Variants in PPP2R2B observed in about 807,000 individuals in gnomAD.
PPP2R2B encodes serine/threonine-protein phosphatase 2A 55 kDa regulatory subunit B beta isoform.
PPP2R2B carries 5 observed loss-of-function variants against 46.0 expected under a neutral mutation model. That is an observed-to-expected ratio of 0.11 (90% confidence interval 0.06 to 0.23). The LOEUF is 0.23. Among genes scored for constraint, PPP2R2B ranks in the 10% least tolerant of loss-of-function variants. The pLI is 1.00. For synonymous variants in PPP2R2B, 215 were observed against 206.7 expected (o/e 1.04, Z -0.34); for missense variants, 367 against 575.0 (o/e 0.64, Z 3.70).
chr5:146,988,185 C>T (rs968310422), intron 1 of PPP2R2B, among the ~76,000 whole-genome samples: 1 of 150,984 alleles, frequency 6.6e-6, no homozygotes, highest in Non-Finnish European at 1.5e-5. Context: ...GAGTTCAACA[C>T]CCAACTTCAG....
intron 2 of PPP2R2B, among the ~76,000 whole-genome samples, chr5:147,065,880 T>C (rs1438383235): frequency 2.0e-5 from 3 of 152,070 alleles, no homozygotes; most frequent in Non-Finnish European, 4.4e-5. Context: ...TGCGGGTCCG[T>C]GAGCTAAATG....
chr5:147,005,737 G>A (rs539079791), intron 1 of PPP2R2B, among the ~76,000 whole-genome samples: 113 of 152,080 alleles, frequency 7.4e-4, no homozygotes, highest in Middle Eastern at 3.4e-3. Flanking sequence ...CAGAGAAACA[G>A]AAAGTCAAAG....
intron 1 of PPP2R2B, among the ~76,000 whole-genome samples, chr5:147,050,687 C>CAT (rs1420554990): frequency 4.6e-5 from 7 of 151,574 alleles, no homozygotes; most frequent in Non-Finnish European, 8.8e-5. Context: ...CACACACACA[C>CAT]ACGCATCCAT....
chr5:146,718,709 C>T (rs1780630207), intron 2 of PPP2R2B, among the ~76,000 whole-genome samples: 1 of 152,192 alleles, frequency 6.6e-6, no homozygotes. Flanking sequence ...GGAAGAAAGG[C>T]AATCGAACAC....
intron 2 of PPP2R2B, among the ~76,000 whole-genome samples, chr5:146,748,315 A>G (rs1393852592): frequency 6.6e-6 from 1 of 152,190 alleles, no homozygotes; most frequent in Non-Finnish European, 1.5e-5. Flanking sequence ...GTAAGAAATA[A>G]TAGAGAGTTA....
intron 1 of PPP2R2B, among the ~76,000 whole-genome samples, chr5:146,910,861 C>T (rs1763152670): frequency 1.3e-5 from 2 of 152,084 alleles, no homozygotes; most frequent in African/African-American, 4.8e-5. Context: ...ACTTTTCTGT[C>T]AATATCTTCT....
intron 2 of PPP2R2B, among the ~76,000 whole-genome samples, chr5:146,730,109 C>T (rs1752137716): frequency 6.6e-6 from 1 of 152,198 alleles, no homozygotes; most frequent in South Asian, 2.1e-4. Flanking sequence ...CTGCCTAAGA[C>T]TCTTACATCA....
At chr5:146,868,375 G>T (rs904924545) in intron 2 of PPP2R2B, among the ~76,000 whole-genome samples, 7 of 152,126 alleles carry the variant, frequency 4.6e-5, no homozygotes, top group Admixed American at 1.3e-4. Flanking sequence ...GGAATTTCTG[G>T]GGTCATTTAA....
intron 2 of PPP2R2B, among the ~76,000 whole-genome samples, chr5:146,855,964 G>A (rs1760634949): frequency 6.6e-6 from 1 of 152,126 alleles, no homozygotes; most frequent in Non-Finnish European, 1.5e-5. Flanking sequence ...CCTACACAGT[G>A]ATTTCTAGAT....
intron 1 of PPP2R2B, among the ~76,000 whole-genome samples, chr5:147,013,977 A>G (rs1403303895): frequency 7.0e-6 from 1 of 143,502 alleles, no homozygotes; most frequent in Non-Finnish European, 1.5e-5. Context: ...AATTTTCGCA[A>G]CCTACTCATC....
At chr5:146,943,508 T>C (rs761194805) in intron 1 of PPP2R2B, among the ~76,000 whole-genome samples, 8 of 152,176 alleles carry the variant, frequency 5.3e-5, no homozygotes, top group Non-Finnish European at 8.8e-5. Flanking sequence ...AGAAAGTAAA[T>C]GACATTACAG....
intron 2 of PPP2R2B, among the ~76,000 whole-genome samples, chr5:146,725,534 G>C (rs1751812916): frequency 6.6e-6 from 1 of 152,116 alleles, no homozygotes; most frequent in Admixed American, 6.5e-5. Flanking sequence ...TAAGTTGAAG[G>C]TGTTATAAGT....
intron 2 of PPP2R2B, among the ~76,000 whole-genome samples, chr5:146,796,877 C>A (rs1389453188): frequency 6.6e-6 from 1 of 152,174 alleles, no homozygotes; most frequent in Non-Finnish European, 1.5e-5. Context: ...AAGGTCCACT[C>A]TGAACTTTTA....
At chr5:146,955,914 G>C (rs1247303145) in intron 1 of PPP2R2B, among the ~76,000 whole-genome samples, 1 of 151,452 alleles carries the variant, frequency 6.6e-6, no homozygotes, top group Non-Finnish European at 1.5e-5. Context: ...GAGTAGCTGG[G>C]ATTACAGATG....
chr5:146,826,150 A>T (rs1758567136), intron 2 of PPP2R2B, among the ~76,000 whole-genome samples: 1 of 152,152 alleles, frequency 6.6e-6, no homozygotes, highest in South Asian at 2.1e-4. Flanking sequence ...TTCTTTTTTA[A>T]AAATGCCCCA....
At chr5:146,697,434 G>A (rs1175115026) in intron 4 of PPP2R2B, among the ~76,000 whole-genome samples, 1 of 152,106 alleles carries the variant, frequency 6.6e-6, no homozygotes. Flanking sequence ...TCCAACAAAT[G>A]GTGTTAAGTA....
intron 1 of PPP2R2B, among the ~76,000 whole-genome samples, chr5:147,030,334 A>G: frequency 6.6e-6 from 1 of 152,188 alleles, no homozygotes; most frequent in East Asian, 1.9e-4. Flanking sequence ...TTAATTAGGT[A>G]TCTAAACACC....
At chr5:146,698,248 G>T in intron 3 of PPP2R2B, 104 bp from the exon 4 acceptor site, 1 of 843,674 alleles carries the variant, frequency 1.2e-6, no homozygotes, top group Non-Finnish European at 1.7e-6. Flanking sequence ...GTGGGATGAG[G>T]GCAGGGCCAT....
intron 1 of PPP2R2B, among the ~76,000 whole-genome samples, chr5:147,036,652 G>A (rs192140820): frequency 6.6e-6 from 1 of 152,202 alleles, no homozygotes; most frequent in East Asian, 1.9e-4. Context: ...AGCATTCCTT[G>A]TTCTCCACAA....
Sources: gnomAD v4.1 joint callset for allele counts (sites outside exome capture counted in the v4.1 genomes callset) on GRCh38, gnomAD v4.1.1 for gene constraint, MANE v1.5 for transcripts, NCBI Gene and HGNC (gene_info 2026-07-23, HGNC 2026-07-21) for gene names.